WNK1: variants seen among roughly 807,000 people sequenced by gnomAD.
WNK1 encodes the protein serine/threonine-protein kinase WNK1.
In WNK1, 38 loss-of-function variants were observed where a neutral mutation model predicts 222.8. That is an observed-to-expected ratio of 0.17 (90% CI 0.13 to 0.22). The LOEUF is 0.22. WNK1 is among the 10% of genes least tolerant of loss of function. WNK1 has a pLI of 1.00. For missense variants in WNK1, 2,348 were observed against 2,918.4 expected (o/e 0.80, Z 4.50); for synonymous variants, 1,090 against 1,092.9 (o/e 1.00, Z 0.05).
chr12:834,662 T>C (rs746653365), intron 4 of WNK1, among the ~76,000 whole-genome samples: 18 of 152,200 alleles, frequency 1.2e-4, no homozygotes, highest in Non-Finnish European at 2.4e-4. Flanking sequence ...ACTTCAATTA[T>C]TTTGTTCTCT....
rs140924226 is a variant in WNK1 at position 898,902 on chromosome 12, G to A, written c.6448+1221G>A. Among the ~76,000 whole-genome samples, 989 of 152,152 alleles carry A rather than the reference G, an allele frequency of 6.5e-3. 4 individuals carry two copies. The highest frequency in any genetic ancestry group is 0.01 in the Non-Finnish European group (705 of 67,992). On this transcript the variant is annotated intron_variant, in intron 25 of 27. Transcript: ENST00000315939. ...ATTACAGGCACATGTCACCATGCCTGGCTAATTTTTGTATTTTTAGTAGAG... is the reference window on the plus strand; with the variant it reads ...ATTACAGGCACATGTCACCATGCCTAGCTAATTTTTGTATTTTTAGTAGAG...
At chr12:854,502 C>T (rs1300975340) in intron 4 of WNK1, among the ~76,000 whole-genome samples, 1 of 151,694 alleles carries the variant, frequency 6.6e-6, no homozygotes, top group Non-Finnish European at 1.5e-5. Flanking sequence ...GGATTACAGG[C>T]ACCCGCCATC....
At position 909,489 on chromosome 12, in the gene WNK1, TTGTTGG is replaced by T. The variant is rs1955946645; in HGVS notation, c.*698_*703del. On this transcript the variant is annotated 3_prime_UTR_variant, in exon 28 of 28. Transcript: ENST00000315939. Reference sequence around the variant, plus strand: ...TGGAAACACTGTGATATATAAAATGTTGTTGGACAACAGTAGTTTTAAGAGTAAAAT... The same window carrying T: ...TGGAAACACTGTGATATATAAAATGTACAACAGTAGTTTTAAGAGTAAAAT... 6.6e-6 allele frequency: 1 copy of T among 152,360 alleles called. No individual in the cohort carries two copies. The highest frequency in any genetic ancestry group is 2.1e-4 in the South Asian group (1 of 4,832). 9.4% of individuals were successfully genotyped at this position (152,360 alleles called of 1,614,324 possible).
chr12:866,451 C>T (rs1951676724), intron 8 of WNK1, among the ~76,000 whole-genome samples: 1 of 152,196 alleles, frequency 6.6e-6, no homozygotes, highest in African/African-American at 2.4e-5. Context: ...CAACCTCTGC[C>T]TCCTGGGTTC....
rs372383544 is a variant in WNK1, at chr12:899,816, C to CA, written c.6449-657dup. 2.7e-3 allele frequency among the ~76,000 whole-genome samples: 415 copies of CA among 151,750 alleles called. 3 individuals are homozygous for CA. Among genetic ancestry groups the CA allele is most frequent in the African/African-American group, 9.7e-3 (403 of 41,370 alleles). ...GAAAGTCTAAGCAGAGACTGCCTAG[C>CA]AAACCTTTTTGTATAATGATTCAAC... is the stretch of plus-strand genomic sequence containing the variant. On this transcript the variant is annotated intron_variant, in intron 25 of 27. Transcript: ENST00000315939.
intron 1 of WNK1, among the ~76,000 whole-genome samples, chr12:791,389 T>C (rs113658454): frequency 2.0e-5 from 3 of 152,136 alleles, no homozygotes; most frequent in African/African-American, 4.8e-5. Flanking sequence ...GTGGCTGTTA[T>C]AAATAATGAT....
intron 1 of WNK1, among the ~76,000 whole-genome samples, chr12:759,475 C>T (rs962551999): frequency 2.0e-5 from 3 of 146,882 alleles, no homozygotes; most frequent in Admixed American, 6.8e-5. Flanking sequence ...GGATTACAGG[C>T]GAGCGCCACC....
intron 4 of WNK1, among the ~76,000 whole-genome samples, chr12:855,109 A>G (rs1459718784): frequency 2.0e-5 from 3 of 152,160 alleles, no homozygotes; most frequent in Non-Finnish European, 4.4e-5. Context: ...TCCTATTTTC[A>G]TAAGTCTTAA....
chr12:797,765 G>A (rs937527985), intron 1 of WNK1, among the ~76,000 whole-genome samples: 27 of 151,914 alleles, frequency 1.8e-4, no homozygotes, highest in African/African-American at 6.3e-4. Context: ...GGCCAACACC[G>A]TGAAACCCCC....
chr12:907,042 G>A (rs1314541567), intron 26 of WNK1, among the ~76,000 whole-genome samples: 3 of 6,698 alleles, frequency 4.5e-4, no homozygotes, highest in South Asian at 6.3e-3. Context: ...AAAAAAAGCC[G>A]GGCGTGGTGG....
chr12:891,109 A>G (rs1035178537), intron 22 of WNK1, among the ~76,000 whole-genome samples: 3 of 152,176 alleles, frequency 2.0e-5, no homozygotes, highest in Admixed American at 2.0e-4. Flanking sequence ...AGAATATGAA[A>G]AAGGTAGCTT....
intron 22 of WNK1, among the ~76,000 whole-genome samples, chr12:892,094 CT>C (rs1335196884): frequency 8.3e-6 from 1 of 121,108 alleles, no homozygotes; most frequent in Non-Finnish European, 1.7e-5. Flanking sequence ...TATTATTATA[CT>C]TTTAAGTTTT....
intron 4 of WNK1, among the ~76,000 whole-genome samples, chr12:837,884 C>G (rs1223798604): frequency 6.6e-6 from 1 of 152,146 alleles, no homozygotes; most frequent in Non-Finnish European, 1.5e-5. Context: ...AAACATTCCC[C>G]CCACTCCTGT....
At chr12:797,070 A>G (rs988342974) in intron 1 of WNK1, among the ~76,000 whole-genome samples, 4 of 152,208 alleles carry the variant, frequency 2.6e-5, no homozygotes, top group African/African-American at 9.6e-5. Flanking sequence ...GTTACTATAC[A>G]TATGCTGATT....
chr12:759,564 C>T (rs1214030774), intron 1 of WNK1, among the ~76,000 whole-genome samples: 2 of 147,558 alleles, frequency 1.4e-5, no homozygotes, highest in East Asian at 3.9e-4. Flanking sequence ...CACCTGACCT[C>T]GTGATCTGCC....
Position 827,183 on chromosome 12 carries a change from C to T in WNK1, c.1074C>T (p.Thr358=), listed in dbSNP as rs72648621. The change falls in exon 3 of 28, where the codon ACC becomes ACT. Residue 358 remains threonine, a synonymous_variant. Coordinates refer to ENST00000315939, the MANE Select transcript of WNK1 (RefSeq NM_018979.4). This position sits in a 1 kb window ranked among gnomAD's most constrained non-coding sequence, Gnocchi z 4.6. ...TTAAATGTGACAACATCTTTATCAC[C>T]GGCCCTACTGGCTCAGTCAAGATTG... is the stretch of plus-strand genomic sequence containing the variant. ...RDLKCDNIFI[T]GPTGSVKIGD... is the part of the protein sequence containing the mutation. 2,724 of 1,614,178 alleles carry T rather than the reference C, an allele frequency of 1.7e-3. 4 individuals are homozygous for T. Among genetic ancestry groups the T allele is most frequent in the Middle Eastern group, 3.3e-3 (20 of 6,060 alleles).
At chr12:869,112 G>A (rs776551280) in intron 8 of WNK1, 1 of 1,613,916 alleles carries the variant, frequency 6.2e-7, no homozygotes, top group South Asian at 1.1e-5. Flanking sequence ...CAGGTTATAG[G>A]AAAACTTCCA....
intron 2 of WNK1, among the ~76,000 whole-genome samples, chr12:819,668 C>T (rs1490955687): frequency 6.6e-6 from 1 of 152,134 alleles, no homozygotes; most frequent in Non-Finnish European, 1.5e-5. Flanking sequence ...AGATGTATCC[C>T]TAAGTTTTCT....
In WNK1 at chr12:829,990, C is replaced by G. The variant is rs750014513; in HGVS notation, c.1154-13C>G. On this transcript the variant is annotated splice_polypyrimidine_tract_variant and intron_variant, in intron 3 of 27. Coordinates refer to ENST00000315939, the MANE Select transcript of WNK1 (RefSeq NM_018979.4). ...CTGCTCGCATTGAGTCTGAATCGTT[C>G]TTTTAATTTAAGGTACCCCAGAGTT... is the stretch of plus-strand genomic sequence containing the variant. 2.5e-5 allele frequency: 40 copies of G among 1,614,016 alleles called. No homozygotes were observed. The highest frequency in any genetic ancestry group is 3.3e-5 in the Non-Finnish European group (39 of 1,179,952).
Sources: allele counts gnomAD v4.1 joint callset (sites outside exome capture counted in the v4.1 genomes callset), GRCh38; gene constraint gnomAD v4.1.1; non-coding constraint Gnocchi (gnomAD v3.1); transcripts MANE v1.5; gene names NCBI Gene and HGNC (gene_info 2026-07-23, HGNC 2026-07-21).